Variants in IMPACT observed in about 807,000 individuals in gnomAD.
The protein encoded by IMPACT is impact RWD domain protein.
A neutral mutation model predicts 47.5 loss-of-function variants in IMPACT; 35 were observed. That is an observed-to-expected ratio of 0.74 (90% CI 0.56 to 0.98). The LOEUF (loss-of-function observed/expected upper bound fraction) is 0.98, where lower values mean the gene tolerates loss of function less well. Among genes scored for constraint, IMPACT ranks in the 50% least tolerant of loss-of-function variants. The pLI, the probability that IMPACT is intolerant of heterozygous loss-of-function variation, is 0.00. For missense variants in IMPACT, 373 were observed against 394.8 expected, an observed-to-expected ratio of 0.94 and a Z score of 0.47; for synonymous variants, 118 against 125.6, an observed-to-expected ratio of 0.94 and a Z score of 0.40.
At chr18:24,427,064 AG>A in intron 1 of IMPACT, 2 of 376,004 alleles carry the variant, frequency 5.3e-6, no homozygotes, top group Middle Eastern at 6.7e-4. Context: ...TCTGGGCCGA[AG>A]GCAAAAACCG....
chr18:24,433,757 G>C (rs549724046), intron 4 of IMPACT, among the ~76,000 whole-genome samples: 3 of 140,962 alleles, frequency 2.1e-5, no homozygotes, highest in East Asian at 4.3e-4. Flanking sequence ...TGCAACCTCC[G>C]CCTCCCAGGT....
chr18:24,427,483 A>G (rs1451038495), intron 1 of IMPACT: 1 of 154,824 alleles, frequency 6.5e-6, no homozygotes, highest in Admixed American at 6.5e-5. Context: ...ACAAAATTTA[A>G]TACGAAGGAA....
intron 3 of IMPACT, among the ~76,000 whole-genome samples, chr18:24,429,180 G>A (rs1333489438): frequency 6.6e-6 from 1 of 152,154 alleles, no homozygotes; most frequent in Admixed American, 6.5e-5. Context: ...AGATGAGGAA[G>A]GAAACCTTCC....
intron 4 of IMPACT, among the ~76,000 whole-genome samples, chr18:24,431,673 C>G (rs898400750): frequency 6.6e-5 from 10 of 151,422 alleles, no homozygotes; most frequent in Admixed American, 2.0e-4. Flanking sequence ...CCACCGTGCC[C>G]AGCTAATTTT....
intron 3 of IMPACT, 105 bp downstream of exon 3, chr18:24,429,026 A>G: frequency 1.5e-6 from 1 of 681,962 alleles, no homozygotes; most frequent in Admixed American, 3.4e-5. Context: ...ATTAACATGT[A>G]TATAGAAATT....
At chr18:24,430,852 T>G (rs1279863728) in intron 4 of IMPACT, among the ~76,000 whole-genome samples, 1 of 152,258 alleles carries the variant, frequency 6.6e-6, no homozygotes, top group Non-Finnish European at 1.5e-5. Context: ...GGTATTTTCA[T>G]AGGCTATGTA....
intron 6 of IMPACT, among the ~76,000 whole-genome samples, chr18:24,441,850 A>G (rs149720055): frequency 7.9e-5 from 12 of 152,340 alleles, no homozygotes; most frequent in African/African-American, 2.9e-4. Flanking sequence ...GATTTGACAT[A>G]TGATATCTTT....
intron 4 of IMPACT, among the ~76,000 whole-genome samples, chr18:24,436,836 G>A (rs1908959635): frequency 6.6e-6 from 1 of 151,944 alleles, no homozygotes; most frequent in African/African-American, 2.4e-5. Context: ...CACCACGCCC[G>A]GCTCTGGGAT....
chr18:24,430,184 T>G, intron 3 of IMPACT, 138 bp from the exon 4 acceptor site: 59 of 519,240 alleles, frequency 1.1e-4, no homozygotes, highest in Middle Eastern at 5.3e-4. Flanking sequence ...TTTGCAACTA[T>G]ATAGATTTAT....
At chr18:24,429,693 CTGT>C (rs1281959696) in intron 3 of IMPACT, 2 of 151,568 alleles carry the variant, frequency 1.3e-5, no homozygotes, top group Admixed American at 1.3e-4. Flanking sequence ...TTAATGCTTA[CTGT>C]TAATAATGGT....
chr18:24,438,498 T>G (rs1909005152), intron 5 of IMPACT, among the ~76,000 whole-genome samples: 1 of 152,242 alleles, frequency 6.6e-6, no homozygotes, highest in South Asian at 2.1e-4. Flanking sequence ...CAGTGTTTCC[T>G]TGACTTATAA....
At chr18:24,435,463 TGA>T (rs1313528578) in intron 4 of IMPACT, 5 of 152,234 alleles carry the variant, frequency 3.3e-5, no homozygotes, top group East Asian at 1.9e-4. Context: ...TTTAGAAATC[TGA>T]GAAAATAATT....
At position 24,448,003 on chromosome 18, in the gene IMPACT, G is replaced by A. The variant is rs1159750714; in HGVS notation, c.669-90G>A. On this transcript the variant is annotated intron_variant, in intron 8 of 10. Coordinates refer to ENST00000284202, the MANE Select transcript of IMPACT (RefSeq NM_018439.4). ...TAAAAAAATGAATATGCTGATTTTGGAAGTAATCAAAATGATCACAAATGT... is the reference window on the plus strand; with the variant it reads ...TAAAAAAATGAATATGCTGATTTTGAAAGTAATCAAAATGATCACAAATGT... 4 of 713,324 alleles carry A rather than the reference G, an allele frequency of 5.6e-6. No homozygotes were observed. The African/African-American group carries it at 7.2e-5, about 13-fold the overall frequency. 44.2% of individuals were successfully genotyped at this position (713,324 alleles called of 1,614,324 possible). A position where few individuals can be genotyped will look rare whatever the true frequency, so the allele number is the denominator to read the frequency against.
At chr18:24,435,826 C>T (rs1908917468) in intron 4 of IMPACT, among the ~76,000 whole-genome samples, 1 of 151,894 alleles carries the variant, frequency 6.6e-6, no homozygotes, top group Admixed American at 6.6e-5. Context: ...TAATAGGTAC[C>T]CGTTGAAGTT....
In IMPACT at chr18:24,450,913, A is replaced by G; in HGVS notation, c.*66A>G. On this transcript the variant is annotated 3_prime_UTR_variant, in exon 11 of 11. Transcript: ENST00000284202. ...ATATACATTCCATAGTCATCAAGGA[A>G]TATATTGTGCAGAGAGAGTATCCTT... The G allele has an allele frequency of 2.0e-6, 2 of 978,512 alleles. No homozygotes were observed. The highest frequency in any genetic ancestry group is 3.2e-6 in the Non-Finnish European group (2 of 627,742). 60.6% of individuals were successfully genotyped at this position (978,512 alleles called of 1,614,324 possible). A position where few individuals can be genotyped will look rare whatever the true frequency, so the allele number is the denominator to read the frequency against.
intron 5 of IMPACT, chr18:24,439,678 G>C (rs956735912): frequency 6.6e-6 from 1 of 152,246 alleles, no homozygotes; most frequent in Non-Finnish European, 1.5e-5. Flanking sequence ...CAGGCGTGGT[G>C]GTACGCACCT....
chr18:24,440,417 C>T, intron 5 of IMPACT, 79 bp from the exon 6 acceptor site: 1 of 1,491,452 alleles, frequency 6.7e-7, no homozygotes, highest in Non-Finnish European at 9.2e-7. Context: ...TATTTAGAAC[C>T]CAAGACCCAG....
chr18:24,441,560 A>C (rs903880325), intron 6 of IMPACT, among the ~76,000 whole-genome samples: 1 of 152,190 alleles, frequency 6.6e-6, no homozygotes, highest in African/African-American at 2.4e-5. Context: ...ATTATGTTTC[A>C]TTTTAATATT....
At chr18:24,426,829 G>C in intron 1 of IMPACT, 37 bp downstream of exon 1, 1 of 1,228,854 alleles carries the variant, frequency 8.1e-7, no homozygotes, top group Non-Finnish European at 1.0e-6. Context: ...TCCAGGCTCG[G>C]CTCCGGCTCG....
Sources: allele counts gnomAD v4.1 joint callset (sites outside exome capture counted in the v4.1 genomes callset), GRCh38; gene constraint gnomAD v4.1.1; transcripts MANE v1.5; gene names NCBI Gene and HGNC (gene_info 2026-07-23, HGNC 2026-07-21).